DSCAM: variants seen among roughly 807,000 people sequenced by gnomAD.
The protein encoded by DSCAM is cell adhesion molecule DSCAM.
In DSCAM, 47 loss-of-function variants were observed where a neutral mutation model predicts 217.7. The observed-to-expected ratio is 0.22, with a 90% CI of 0.17 to 0.28. DSCAM has a LOEUF of 0.28. Among genes scored for constraint, DSCAM ranks in the 10% least tolerant of loss-of-function variants. DSCAM has a pLI of 1.00. For synonymous variants in DSCAM, 1,056 were observed against 1,015.3 expected (o/e 1.04, Z -0.76); for missense variants, 2,080 against 2,618.3 (o/e 0.79, Z 4.49).
intron 20 of DSCAM, among the ~76,000 whole-genome samples, chr21:40,116,999 C>CT (rs1322836348): frequency 2.2e-5 from 1 of 46,152 alleles, no homozygotes; most frequent in Non-Finnish European, 3.5e-5. Flanking sequence ...GAGACTCTGT[C>CT]TCAAAAAAAA....
chr21:40,382,537 C>G (rs537093882), intron 3 of DSCAM, among the ~76,000 whole-genome samples: 1 of 152,160 alleles, frequency 6.6e-6, no homozygotes, highest in African/African-American at 2.4e-5. Flanking sequence ...CATTTGTTTC[C>G]CAATGACACG....
chr21:40,368,420 C>T (rs1024644013), intron 4 of DSCAM, among the ~76,000 whole-genome samples: 3 of 152,130 alleles, frequency 2.0e-5, no homozygotes, highest in African/African-American at 7.2e-5. Context: ...AAAATACTTG[C>T]AAGTTCAAAG....
At chr21:40,322,655 G>A (rs2074272214) in intron 8 of DSCAM, among the ~76,000 whole-genome samples, 1 of 151,906 alleles carries the variant, frequency 6.6e-6, no homozygotes, top group South Asian at 2.1e-4. Flanking sequence ...CTCCCGAGTA[G>A]CTGGTACTAC....
At chr21:40,738,560 T>A (rs2091088489) in intron 1 of DSCAM, among the ~76,000 whole-genome samples, 1 of 152,216 alleles carries the variant, frequency 6.6e-6, no homozygotes, top group Non-Finnish European at 1.5e-5. Flanking sequence ...GGAACCTTGG[T>A]TCTTGCCTTT....
intron 11 of DSCAM, among the ~76,000 whole-genome samples, chr21:40,259,359 C>T (rs992365034): frequency 6.6e-6 from 1 of 151,822 alleles, no homozygotes; most frequent in Admixed American, 6.6e-5. Flanking sequence ...CTGGTTATAC[C>T]ATCTCCCTGG....
At chr21:40,559,742 T>TC (rs1398105416) in intron 3 of DSCAM, among the ~76,000 whole-genome samples, 1 of 151,818 alleles carries the variant, frequency 6.6e-6, no homozygotes, top group East Asian at 1.9e-4. Flanking sequence ...GAACTTTTTT[T>TC]CCCTCTCTGT....
chr21:40,816,236 C>T (rs560309085), intron 1 of DSCAM, among the ~76,000 whole-genome samples: 328 of 152,252 alleles, frequency 2.2e-3, no homozygotes, highest in Non-Finnish European at 3.8e-3. Context: ...AGAAAGGGTC[C>T]TAATTTGTCC....
At chr21:40,337,971 C>A in intron 8 of DSCAM, 130 bp downstream of exon 8, 1 of 1,177,618 alleles carries the variant, frequency 8.5e-7, no homozygotes, top group Non-Finnish European at 1.2e-6. Context: ...TGTTCCCTGT[C>A]ATTCTTCAGC....
At chr21:40,552,860 C>T (rs2076641364) in intron 3 of DSCAM, among the ~76,000 whole-genome samples, 1 of 152,120 alleles carries the variant, frequency 6.6e-6, no homozygotes, top group African/African-American at 2.4e-5. Context: ...TTCATTTCAC[C>T]CAATATAATA....
rs770298655 is a variant in DSCAM at position 40,708,581 on chromosome 21, G to A, written c.234C>T (p.Asn78=). 4.4e-5 allele frequency: 71 copies of A among 1,610,154 alleles called. No homozygotes were observed. The highest frequency in any genetic ancestry group is 1.6e-4 in the Middle Eastern group (1 of 6,070). ...DVPGIRHVHP[N]GTLQIFPFPP... is the part of the protein sequence containing the mutation. ...GGAAGGGGAAAATTTGGAGAGTGCC[G>A]TTGGGGTGGACGTGGCGGATCCCGG... The change falls in exon 2 of 33, where the codon AAC becomes AAT. Residue 78 remains asparagine (N), a synonymous_variant. Transcript: ENST00000400454.
At chr21:40,808,304 C>T (rs1472744584) in intron 1 of DSCAM, among the ~76,000 whole-genome samples, 1 of 152,032 alleles carries the variant, frequency 6.6e-6, no homozygotes, top group Non-Finnish European at 1.5e-5. Context: ...TTGCTGACAA[C>T]ATACAGACCC....
intron 5 of DSCAM, among the ~76,000 whole-genome samples, chr21:40,348,448 C>G (rs1325921589): frequency 3.4e-5 from 3 of 88,210 alleles, no homozygotes; most frequent in African/African-American, 1.2e-4. Context: ...ATACCCCATA[C>G]GGTTCCTATC....
chr21:40,717,680 G>A (rs2146500552), intron 1 of DSCAM, among the ~76,000 whole-genome samples: 1 of 152,354 alleles, frequency 6.6e-6, no homozygotes, highest in Middle Eastern at 3.4e-3. Context: ...GACAGGATAG[G>A]AGGGTTTCTT....
rs76641146 is a variant in DSCAM, at chr21:40,144,144, A to G, written c.3259+347T>C. Reference sequence around the variant, plus strand: ...AAAAAACCTTCTTAACATTTGGGAGAAAGTTTTTTAGCAAATAGCATTTCT... The same window carrying G: ...AAAAAACCTTCTTAACATTTGGGAGGAAGTTTTTTAGCAAATAGCATTTCT... On this transcript the variant is annotated intron_variant, in intron 17 of 32. Coordinates refer to ENST00000400454, the MANE Select transcript of DSCAM (RefSeq NM_001389.5). This position sits in a 1 kb window ranked among gnomAD's most constrained non-coding sequence, Gnocchi z 4.8. Among the ~76,000 whole-genome samples, 11,287 of 152,140 alleles carry G rather than the reference A, an allele frequency of 0.074. 706 individuals are homozygous for G. Among genetic ancestry groups the G allele is most frequent in the African/African-American group, 0.17 (7,245 of 41,544 alleles).
chr21:40,640,067 G>T (rs1460161365), intron 3 of DSCAM, among the ~76,000 whole-genome samples: 2 of 149,692 alleles, frequency 1.3e-5, no homozygotes, highest in African/African-American at 4.8e-5. Flanking sequence ...TTTAGATTGT[G>T]CTTCTACCAG....
intron 3 of DSCAM, among the ~76,000 whole-genome samples, chr21:40,613,653 G>A (rs57466255): frequency 0.014 from 2,063 of 152,080 alleles, 49 homozygotes; most frequent in African/African-American, 0.048. Context: ...CTGCTGAGAC[G>A]AGCTATTACA....
intron 1 of DSCAM, among the ~76,000 whole-genome samples, chr21:40,739,663 G>A (rs2091102069): frequency 2.0e-5 from 3 of 152,206 alleles, no homozygotes; most frequent in South Asian, 2.1e-4. Context: ...GTCACATCCC[G>A]AGGTACTGGG....
At chr21:40,448,708 T>C (rs1425939643) in intron 3 of DSCAM, among the ~76,000 whole-genome samples, 1 of 152,206 alleles carries the variant, frequency 6.6e-6, no homozygotes, top group Non-Finnish European at 1.5e-5. Flanking sequence ...CTTTAATGTA[T>C]GCTGCAAACA....
chr21:40,411,369 T>C (rs963712412), intron 3 of DSCAM, among the ~76,000 whole-genome samples: 25 of 151,956 alleles, frequency 1.6e-4, no homozygotes, highest in African/African-American at 5.8e-4. Context: ...GGGGGAAAGA[T>C]AGAACAAAGG....
Sources: allele counts gnomAD v4.1 joint callset (sites outside exome capture counted in the v4.1 genomes callset), GRCh38; gene constraint gnomAD v4.1.1; non-coding constraint Gnocchi (gnomAD v3.1); transcripts MANE v1.5; gene names NCBI Gene and HGNC (gene_info 2026-07-23, HGNC 2026-07-21).